WDFY3: variants seen among roughly 807,000 people sequenced by gnomAD.
WDFY3 encodes WD repeat and FYVE domain containing 3.
Under a neutral mutation model 409.6 loss-of-function variants are expected in WDFY3, and 66 were observed. The ratio of observed to expected loss-of-function variants is 0.16; its 90% CI spans 0.13 to 0.20. The LOEUF is 0.20. Ranked by LOEUF, WDFY3 falls within the 10% of genes least tolerant of loss-of-function variation. The pLI is 1.00. For missense variants in WDFY3, 3,031 were observed against 4,298.1 expected, an observed-to-expected ratio of 0.71 and a Z score of 8.24; for synonymous variants, 1,521 against 1,537.1, an observed-to-expected ratio of 0.99 and a Z score of 0.25.
intron 4 of WDFY3, among the ~76,000 whole-genome samples, chr4:84,851,781 A>T (rs1354361688): frequency 2.0e-5 from 3 of 152,154 alleles, no homozygotes; most frequent in Non-Finnish European, 4.4e-5. Flanking sequence ...TATCTGTGAG[A>T]GGTAAGTTCT....
Position 84,741,794 on chromosome 4 carries a change from A to T in WDFY3, c.6201T>A (p.Leu2067=), listed in dbSNP as rs769009648. Residue 2067 remains leucine (L), a synonymous_variant, in exon 38 of 68, where the codon CTT becomes CTA. Transcript: ENST00000295888. The part of the protein sequence containing the change: ...WQGMFNKESK[L]LIDFIIQLIA... ...TTAGTTGAATTATAAAATCTATAAG[A>T]AGTTTAGATTCTTTGTTGAACATGC... The T allele has an allele frequency of 6.2e-7, 1 of 1,612,312 alleles. No individual in the cohort carries two copies. Among genetic ancestry groups the T allele is most frequent in the Admixed American group, 1.7e-5 (1 of 59,958 alleles).
chr4:84,907,362 T>A (rs928155122), intron 2 of WDFY3, among the ~76,000 whole-genome samples: 3 of 152,280 alleles, frequency 2.0e-5, no homozygotes, highest in East Asian at 1.9e-4. Context: ...TCAGATTACT[T>A]GCCCTGAAGG....
chr4:84,685,830 C>T (rs1024832470), intron 62 of WDFY3, among the ~76,000 whole-genome samples: 1 of 152,178 alleles, frequency 6.6e-6, no homozygotes, highest in Non-Finnish European at 1.5e-5. Flanking sequence ...CTAGTGTACA[C>T]TGGCTCAAAT....
Position 84,671,232 on chromosome 4 carries a change from AT to A in WDFY3, c.*1635del, listed in dbSNP as rs1212409795. Reference sequence around the variant, plus strand: ...TTTGAATGCATGTGCATATATGTGCATTTTAGTGCATAAGTGTGCCTCTCAC... The same window carrying A: ...TTTGAATGCATGTGCATATATGTGCATTTAGTGCATAAGTGTGCCTCTCAC... On this transcript the variant is annotated 3_prime_UTR_variant, in exon 68 of 68. Transcript: ENST00000295888. 1.8e-4 allele frequency: 28 copies of A among 152,600 alleles called. No individual in the cohort carries two copies. Among genetic ancestry groups the A allele is most frequent in the Non-Finnish European group, 1.8e-4 (12 of 68,026 alleles). 9.5% of individuals were successfully genotyped at this position (152,600 alleles called of 1,614,324 possible). A position where few individuals can be genotyped will look rare whatever the true frequency, so the allele number is the denominator to read the frequency against.
intron 1 of WDFY3, among the ~76,000 whole-genome samples, chr4:84,932,920 T>C (rs891712112): frequency 4.6e-5 from 7 of 152,156 alleles, no homozygotes; most frequent in Non-Finnish European, 1.0e-4. Context: ...TATAAATGTT[T>C]CCTTTCATTT....
At chr4:84,747,812 T>A (rs953690610) in intron 36 of WDFY3, among the ~76,000 whole-genome samples, 4 of 152,158 alleles carry the variant, frequency 2.6e-5, no homozygotes, top group Non-Finnish European at 5.9e-5. Context: ...CTGCCATGAC[T>A]GTAAGTTTCC....
At chr4:84,957,020 T>TA (rs1320588343) in intron 1 of WDFY3, among the ~76,000 whole-genome samples, 4 of 150,546 alleles carry the variant, frequency 2.7e-5, no homozygotes, top group African/African-American at 9.8e-5. Context: ...ACCACAGGCC[T>TA]AAGAAAATCA....
At chr4:84,942,714 G>A (rs150956107) in intron 1 of WDFY3, among the ~76,000 whole-genome samples, 5 of 152,178 alleles carry the variant, frequency 3.3e-5, no homozygotes, top group Admixed American at 6.5e-5. Flanking sequence ...ACATATCCTC[G>A]GTAAAATATC....
chr4:84,672,837 GACC>G lies in WDFY3; in HGVS notation c.*28_*30del, dbSNP rs1441361510. ...CAGGAGAATCGGGAAGGGGTCTACAGACCATGGTCTCCACTCAGCTTGTTGAAT... is the reference window on the plus strand; with the variant it reads ...CAGGAGAATCGGGAAGGGGTCTACAGATGGTCTCCACTCAGCTTGTTGAAT... On this transcript the variant is annotated 3_prime_UTR_variant, in exon 68 of 68. Coordinates refer to ENST00000295888, the MANE Select transcript of WDFY3 (RefSeq NM_014991.6). The G allele has an allele frequency of 6.2e-7, 1 of 1,613,500 alleles. No homozygotes were observed. Among genetic ancestry groups the G allele is most frequent in the South Asian group, 1.1e-5 (1 of 90,960 alleles).
At chr4:84,835,469 G>C (rs1028539946) in intron 7 of WDFY3, among the ~76,000 whole-genome samples, 12 of 152,062 alleles carry the variant, frequency 7.9e-5, no homozygotes, top group Non-Finnish European at 1.3e-4. Context: ...TAATCATTTT[G>C]GGGAAAAACA....
intron 12 of WDFY3, among the ~76,000 whole-genome samples, chr4:84,818,401 T>C (rs1753616951): frequency 6.6e-6 from 1 of 152,164 alleles, no homozygotes; most frequent in Admixed American, 6.6e-5. Context: ...ATATCTCTAT[T>C]ATGGTTTATA....
Position 84,743,703 on chromosome 4 carries a change from A to G in WDFY3, c.6070T>C (p.Leu2024=). 3.9e-6 allele frequency: 6 copies of G among 1,558,434 alleles called. No homozygotes were observed. The highest frequency in any genetic ancestry group is 5.2e-6 in the Non-Finnish European group (6 of 1,148,276). The change falls in exon 37 of 68, where the codon TTA becomes CTA. Residue 2024 remains leucine, a synonymous_variant. Coordinates refer to ENST00000295888, the MANE Select transcript of WDFY3 (RefSeq NM_014991.6). ...TAAAATAAAAACACAGAATTACCTA[A>G]TAACACATCAGCTGCAAGCAAATGG... ...MDHLLAADVL[L]GEDASLPITS... is the part of the protein sequence containing the mutation.
intron 51 of WDFY3, among the ~76,000 whole-genome samples, chr4:84,711,585 G>T (rs1046364969): frequency 3.8e-4 from 58 of 152,138 alleles, no homozygotes; most frequent in African/African-American, 1.3e-3. Context: ...AGGCGCAGGG[G>T]CTCATGCCTG....
At chr4:84,931,900 TAA>T (rs1770814052) in intron 2 of WDFY3, among the ~76,000 whole-genome samples, 1 of 152,086 alleles carries the variant, frequency 6.6e-6, no homozygotes, top group Admixed American at 6.6e-5. Flanking sequence ...TACAATGGAT[TAA>T]AGAGTTTCAA....
At chr4:84,735,173 A>G in intron 42 of WDFY3, 53 bp from the exon 43 acceptor site, 1 of 1,490,130 alleles carries the variant, frequency 6.7e-7, no homozygotes, top group Non-Finnish European at 9.2e-7. Flanking sequence ...CTGGAAAAAA[A>G]TAGTTAATTA....
chr4:84,708,897 C>CT lies in WDFY3; in HGVS notation c.8217+11dup. On this transcript the variant is annotated intron_variant, in intron 53 of 67. Transcript: ENST00000295888. ...AATGTGTTCTACGTAAGCAAAATGA[C>CT]TTAAGATTTACCTCTGAGTCATAAT... 1.2e-6 allele frequency: 2 copies of CT among 1,609,520 alleles called. No homozygotes were observed. The highest frequency in any genetic ancestry group is 1.7e-6 in the Non-Finnish European group (2 of 1,178,406).
intron 53 of WDFY3, among the ~76,000 whole-genome samples, chr4:84,708,261 G>C (rs1732312252): frequency 6.6e-6 from 1 of 152,128 alleles, no homozygotes; most frequent in South Asian, 2.1e-4. Flanking sequence ...TTATATGGCA[G>C]GAACATTTTG....
chr4:84,731,174 C>T (rs1023850283), intron 44 of WDFY3, among the ~76,000 whole-genome samples: 1 of 152,132 alleles, frequency 6.6e-6, no homozygotes, highest in Non-Finnish European at 1.5e-5. Context: ...CATATGTGAC[C>T]TGTGGGCCTC....
rs777152989 is a variant in WDFY3 at position 84,751,694 on chromosome 4, A to C, written c.5762T>G (p.Val1921Gly). The C allele has an allele frequency of 3.0e-5, 49 of 1,614,036 alleles. No individual in the cohort carries two copies. The highest frequency in any genetic ancestry group is 3.0e-5 in the Non-Finnish European group (35 of 1,180,034). Residue 1921 changes from valine to glycine, a missense_variant, in exon 36 of 68, where the codon GTT becomes GGT. This residue lies in a region of WDFY3 where 314 missense variants were observed against 397.4 expected (regional missense o/e 0.79). Coordinates refer to ENST00000295888, the MANE Select transcript of WDFY3 (RefSeq NM_014991.6). The part of the protein sequence containing the change: ...SEMVTDLDDE[V>G]GSPAEEFKAF... ...TTTAAACTCTTCTGCTGGAGATCCA[A>C]CTTCATCATCAAGGTCAGTCACCTA...
Sources: allele counts gnomAD v4.1 joint callset (sites outside exome capture counted in the v4.1 genomes callset), GRCh38; gene constraint gnomAD v4.1.1; regional missense constraint gnomAD v4.1.1; transcripts MANE v1.5; gene names NCBI Gene and HGNC (gene_info 2026-07-23, HGNC 2026-07-21).